Variants in DENND1A observed in about 807,000 individuals in gnomAD.
DENND1A encodes the protein DENN domain-containing protein 1A.
In DENND1A, 51 loss-of-function variants were observed where a neutral mutation model predicts 113.7. The ratio of observed to expected loss-of-function variants is 0.45; its 90% CI spans 0.36 to 0.57. The LOEUF (loss-of-function observed/expected upper bound fraction) is 0.57, where lower values mean the gene tolerates loss of function less well. Among genes scored for constraint, DENND1A ranks in the 20% least tolerant of loss-of-function variants. The pLI is 0.00. For missense variants in DENND1A, 1,258 were observed against 1,395.9 expected (o/e 0.90, Z 1.57); for synonymous variants, 565 against 570.8 (o/e 0.99, Z 0.14).
At chr9:123,531,368 T>G (rs1481561203) in intron 13 of DENND1A, among the ~76,000 whole-genome samples, 2 of 152,192 alleles carry the variant, frequency 1.3e-5, no homozygotes, top group Non-Finnish European at 2.9e-5. Flanking sequence ...GACTTCATTT[T>G]TAAAAAATCT....
chr9:123,638,099 A>T, intron 9 of DENND1A, among the ~76,000 whole-genome samples: 1 of 151,996 alleles, frequency 6.6e-6, no homozygotes, highest in East Asian at 1.9e-4. Context: ...ATTTTTTTTT[A>T]AAGCTATCTA....
chr9:123,628,315 G>A (rs373884518), intron 10 of DENND1A, among the ~76,000 whole-genome samples: 1 of 151,730 alleles, frequency 6.6e-6, no homozygotes, highest in African/African-American at 2.4e-5. Context: ...GCAGATGACA[G>A]TGACATGGGA....
At chr9:123,452,920 G>C (rs1324847568) in intron 16 of DENND1A, among the ~76,000 whole-genome samples, 1 of 152,072 alleles carries the variant, frequency 6.6e-6, no homozygotes, top group Non-Finnish European at 1.5e-5. Flanking sequence ...TTGAAAAAAG[G>C]AAAGAATGAA....
intron 2 of DENND1A, among the ~76,000 whole-genome samples, chr9:123,866,762 G>C (rs1394428115): frequency 2.6e-5 from 4 of 152,132 alleles, no homozygotes; most frequent in Admixed American, 1.3e-4. Context: ...CTGCCAAGTA[G>C]ATAGAAGTCC....
chr9:123,652,349 T>A, intron 8 of DENND1A: 1 of 455,914 alleles, frequency 2.2e-6, no homozygotes, highest in Non-Finnish European at 4.0e-6. Context: ...TACATCTTTG[T>A]GTGGTGATTA....
rs919470682 is a variant in DENND1A at position 123,918,854 on chromosome 9, C to G, written c.17+11035G>C. 1.8e-4 allele frequency among the ~76,000 whole-genome samples: 27 copies of G among 152,008 alleles called. 1 individual carries two copies. The highest frequency in any genetic ancestry group is 3.2e-4 in the Non-Finnish European group (22 of 67,982). ...AGAGAGATAACCAGACATAATGTAC[C>G]TCTTGATGGAAGTACCTATCACCAC... On this transcript the variant is annotated intron_variant, in intron 1 of 23. Coordinates refer to ENST00000394215, the MANE Select transcript of DENND1A (RefSeq NM_001352964.2).
At chr9:123,692,660 T>C (rs554884165) in intron 5 of DENND1A, among the ~76,000 whole-genome samples, 1 of 152,196 alleles carries the variant, frequency 6.6e-6, no homozygotes, top group Admixed American at 6.5e-5. Flanking sequence ...CATGCTATAG[T>C]GATATAAAAG....
intron 1 of DENND1A, among the ~76,000 whole-genome samples, chr9:123,905,415 T>G (rs926335770): frequency 6.8e-6 from 1 of 147,112 alleles, no homozygotes; most frequent in African/African-American, 2.6e-5. Context: ...GACTGGCAAA[T>G]TGGATAAAGA....
At chr9:123,602,658 A>C (rs1473990641) in intron 11 of DENND1A, among the ~76,000 whole-genome samples, 1 of 152,196 alleles carries the variant, frequency 6.6e-6, no homozygotes, top group Non-Finnish European at 1.5e-5. Context: ...TTTTTCATGC[A>C]AATATCACTT....
intron 11 of DENND1A, among the ~76,000 whole-genome samples, chr9:123,598,357 A>G (rs529776944): frequency 1.3e-5 from 2 of 152,172 alleles, no homozygotes; most frequent in East Asian, 3.9e-4. Flanking sequence ...GTCATTACCC[A>G]AAAGTGTCCT....
chr9:123,695,613 G>T (rs778601397), intron 5 of DENND1A, among the ~76,000 whole-genome samples: 2 of 152,152 alleles, frequency 1.3e-5, no homozygotes. Context: ...GCTAACAGGC[G>T]ATTCTGATAC....
chr9:123,798,230 CATT>C (rs1455033129), intron 2 of DENND1A: 1 of 152,154 alleles, frequency 6.6e-6, no homozygotes, highest in African/African-American at 2.4e-5. Flanking sequence ...ACACAAATAA[CATT>C]ATTCAAGGAA....
intron 22 of DENND1A, among the ~76,000 whole-genome samples, chr9:123,387,262 T>A (rs1005463315): frequency 2.0e-5 from 3 of 152,210 alleles, no homozygotes; most frequent in African/African-American, 7.2e-5. Context: ...TAAATTATCT[T>A]TAAAAAGTCA....
At chr9:123,592,531 C>G (rs557078325) in intron 11 of DENND1A, among the ~76,000 whole-genome samples, 1 of 152,152 alleles carries the variant, frequency 6.6e-6, no homozygotes, top group Admixed American at 6.5e-5. Flanking sequence ...GGGAAACTGA[C>G]TAGAATAGGG....
At chr9:123,638,619 G>A (rs764225097) in intron 9 of DENND1A, among the ~76,000 whole-genome samples, 36 of 151,944 alleles carry the variant, frequency 2.4e-4, no homozygotes, top group Non-Finnish European at 4.3e-4. Context: ...ATGCCACCAC[G>A]CCCAGCTAAT....
At chr9:123,805,317 T>C (rs1458039260) in intron 2 of DENND1A, among the ~76,000 whole-genome samples, 1 of 152,180 alleles carries the variant, frequency 6.6e-6, no homozygotes. Flanking sequence ...GAAGTGTTTT[T>C]TCAGATTTTG....
intron 20 of DENND1A, among the ~76,000 whole-genome samples, chr9:123,410,267 C>T (rs1057460151): frequency 6.6e-6 from 1 of 152,180 alleles, no homozygotes; most frequent in Non-Finnish European, 1.5e-5. Context: ...GCATTCAAGC[C>T]TAGCTCTGTC....
At chr9:123,753,577 C>T (rs546978627) in intron 5 of DENND1A, among the ~76,000 whole-genome samples, 64 of 152,346 alleles carry the variant, frequency 4.2e-4, no homozygotes, top group African/African-American at 1.4e-3. Flanking sequence ...TCTGAATTTA[C>T]GTCCCATGAC....
At chr9:123,775,436 A>C (rs952805265) in intron 3 of DENND1A, among the ~76,000 whole-genome samples, 3 of 152,178 alleles carry the variant, frequency 2.0e-5, no homozygotes, top group Non-Finnish European at 4.4e-5. Context: ...AGAACATACC[A>C]AAGGAATAGG....
Sources: allele counts gnomAD v4.1 joint callset (sites outside exome capture counted in the v4.1 genomes callset), GRCh38; gene constraint gnomAD v4.1.1; transcripts MANE v1.5; gene names NCBI Gene and HGNC (gene_info 2026-07-23, HGNC 2026-07-21).